The following SCPEP1 variants were observed in gnomAD, a reference collection of about 807,000 sequenced individuals.
SCPEP1 encodes the protein serine carboxypeptidase 1.
A neutral mutation model predicts 63.8 loss-of-function variants in SCPEP1; 51 were observed. The ratio of observed to expected loss-of-function variants is 0.80; its 90% CI spans 0.64 to 1.01. SCPEP1 has a LOEUF of 1.01. Among genes scored for constraint, SCPEP1 ranks in the 50% least tolerant of loss-of-function variants. The probability of loss-of-function intolerance (pLI) is 0.00; values close to 1 mark genes in which losing one functional copy is unlikely to be tolerated. For missense variants in SCPEP1, 499 were observed against 554.9 expected (o/e 0.90, Z 1.01); for synonymous variants, 204 against 207.8 (o/e 0.98, Z 0.16).
At chr17:56,990,375 T>C (rs977933951) in intron 5 of SCPEP1, among the ~76,000 whole-genome samples, 3 of 152,186 alleles carry the variant, frequency 2.0e-5, no homozygotes, top group Non-Finnish European at 4.4e-5. Context: ...AAAAAACTTA[T>C]AGAAACAGCA....
rs758488521 is a variant in SCPEP1 at position 57,006,262 on chromosome 17, T to A, written c.*27T>A. Reference sequence around the variant, plus strand: ...ATGGATGGGGCTGGAGATGAGCTGGTTTGGCCTTGGGGCACAGAGCTGAGC... The same window carrying A: ...ATGGATGGGGCTGGAGATGAGCTGGATTGGCCTTGGGGCACAGAGCTGAGC... On this transcript the variant is annotated 3_prime_UTR_variant, in exon 13 of 13. Coordinates refer to ENST00000262288, the MANE Select transcript of SCPEP1 (RefSeq NM_021626.3). 8 of 1,600,514 alleles carry A rather than the reference T, an allele frequency of 5.0e-6. No individual in the cohort carries two copies. Among genetic ancestry groups the A allele is most frequent in the Non-Finnish European group, 6.8e-6 (8 of 1,172,318 alleles).
At chr17:57,003,219 T>G (rs1470666857) in intron 12 of SCPEP1, among the ~76,000 whole-genome samples, 1 of 152,142 alleles carries the variant, frequency 6.6e-6, no homozygotes, top group East Asian at 1.9e-4. Context: ...GGACTTGGAA[T>G]GGACACTGGA....
intron 3 of SCPEP1, among the ~76,000 whole-genome samples, chr17:56,986,583 T>TC (rs1911227226): frequency 6.6e-6 from 1 of 151,486 alleles, no homozygotes; most frequent in African/African-American, 2.4e-5. Context: ...TCTCGCTCTT[T>TC]CGCCCAGGCC....
At position 57,006,438 on chromosome 17, in the gene SCPEP1, A is replaced by G. The variant is rs766439904; in HGVS notation, c.*203A>G. ...TTTCTGCTTCTTAAAAAAACCTAAG[A>G]TTTTTTAAAAAATTGATTTGTTTTG... On this transcript the variant is annotated 3_prime_UTR_variant, in exon 13 of 13. Transcript: ENST00000262288. 1 of 383,016 alleles carries G rather than the reference A, an allele frequency of 2.6e-6. No homozygotes were observed. The highest frequency in any genetic ancestry group is 4.7e-6 in the Non-Finnish European group (1 of 214,314). 23.7% of individuals were successfully genotyped at this position (383,016 alleles called of 1,614,324 possible). A position where few individuals can be genotyped will look rare whatever the true frequency, so the allele number is the denominator to read the frequency against.
At chr17:57,005,793 T>G (rs1291785042) in intron 12 of SCPEP1, among the ~76,000 whole-genome samples, 1 of 152,222 alleles carries the variant, frequency 6.6e-6, no homozygotes, top group Non-Finnish European at 1.5e-5. Context: ...CTATTCTCAA[T>G]CCGGGATCCC....
intron 6 of SCPEP1, 105 bp from the exon 7 acceptor site, chr17:56,994,876 T>G: frequency 2.0e-6 from 2 of 1,024,794 alleles, no homozygotes; most frequent in Non-Finnish European, 3.0e-6. Flanking sequence ...AGCCACCGGG[T>G]TTCTTGCTTC....
chr17:57,002,329 C>T (rs1459285366), intron 12 of SCPEP1, 148 bp downstream of exon 12: 1 of 734,102 alleles, frequency 1.4e-6, no homozygotes, highest in East Asian at 2.7e-5. Context: ...CCTGTAATCT[C>T]AGCACTTTGG....
chr17:56,982,361 CA>C (rs1911092677), intron 2 of SCPEP1, among the ~76,000 whole-genome samples: 1 of 152,200 alleles, frequency 6.6e-6, no homozygotes. Context: ...ATGGTCGATG[CA>C]GACTTTCTGG....
chr17:56,995,322 T>G (rs1887675550), intron 7 of SCPEP1, 185 bp from the exon 8 acceptor site: 1 of 625,010 alleles, frequency 1.6e-6, no homozygotes, highest in Non-Finnish European at 2.7e-6. Flanking sequence ...GAATACCTAC[T>G]TAGGTTCAGT....
chr17:56,996,768 C>T (rs1174353921), intron 8 of SCPEP1, among the ~76,000 whole-genome samples, 194 bp from the exon 9 acceptor site: 1 of 152,176 alleles, frequency 6.6e-6, no homozygotes, highest in Admixed American at 6.5e-5. Context: ...ATCCACCCAC[C>T]TCAGCCTCCC....
Position 56,988,216 on chromosome 17 carries a change from A to G in SCPEP1, c.472A>G (p.Thr158Ala). The change falls in exon 5 of 13, where the codon ACA becomes GCA. Residue 158 changes from threonine (T) to alanine (A), a missense_variant and splice_region_variant. Transcript: ENST00000262288. ...TCTGTGTAATTCCTTTTCTTGCTAG[A>G]CAGTTCCATTCTACATTTTCTCAGA... ...TFFSCHKEFQTVPFYIFSESY... is the reference protein window; with the variant it reads ...TFFSCHKEFQAVPFYIFSESY... 5 of 1,607,328 alleles carry G rather than the reference A, an allele frequency of 3.1e-6. No homozygotes were observed. Among genetic ancestry groups the G allele is most frequent in the Non-Finnish European group, 4.3e-6 (5 of 1,175,004 alleles).
At chr17:56,996,008 T>G (rs528982998) in intron 8 of SCPEP1, 1 of 154,824 alleles carries the variant, frequency 6.5e-6, no homozygotes, top group East Asian at 1.9e-4. Flanking sequence ...GGCTAAGGAC[T>G]TGGGAGTGTA....
rs767400615 is a variant in SCPEP1 at position 56,991,109 on chromosome 17, G to A, written c.557G>A (p.Arg186Gln). 5.4e-5 allele frequency: 87 copies of A among 1,613,630 alleles called. No individual in the cohort carries two copies. The South Asian group carries it at 5.5e-4, about 10-fold the overall frequency. Residue 186 changes from arginine to glutamine, a missense_variant, in exon 6 of 13, where the codon CGA becomes CAA. Transcript: ENST00000262288. ...IGLELYKAIQRGTIKCNFAGV... is the reference protein window; with the variant it reads ...IGLELYKAIQQGTIKCNFAGV... Reference sequence around the variant, plus strand: ...TGTTTCCTCTTTCAGGCCATTCAGCGAGGGACCATCAAGTGCAACTTTGCG... The same window carrying A: ...TGTTTCCTCTTTCAGGCCATTCAGCAAGGGACCATCAAGTGCAACTTTGCG...
intron 12 of SCPEP1, among the ~76,000 whole-genome samples, chr17:57,005,218 T>G (rs1911847973): frequency 6.6e-6 from 1 of 152,126 alleles, no homozygotes; most frequent in South Asian, 2.1e-4. Flanking sequence ...TGTGGAGCAT[T>G]TTGGATTTTC....
intron 8 of SCPEP1, chr17:56,995,858 T>A: frequency 3.6e-6 from 1 of 281,510 alleles, no homozygotes; most frequent in Non-Finnish European, 6.4e-6. Flanking sequence ...TGTCCTTCAC[T>A]AAATGTATGG....
At position 56,978,240 on chromosome 17, in the gene SCPEP1, G is replaced by A. The variant is rs765656267; in HGVS notation, c.76+5G>A. 2.5e-5 allele frequency: 39 copies of A among 1,537,266 alleles called. No individual in the cohort carries two copies. Among genetic ancestry groups the A allele is most frequent in the Non-Finnish European group, 3.1e-5 (35 of 1,146,038 alleles). On this transcript the variant is annotated splice_donor_5th_base_variant and intron_variant, in intron 1 of 12. Coordinates refer to ENST00000262288, the MANE Select transcript of SCPEP1 (RefSeq NM_021626.3). ...TGCTGCTGGGCCTGAACGCAGGTAG[G>A]TTCAAGCAAGAGGCGCACCAGCTGC...
At chr17:56,982,116 C>T (rs2144466742) in intron 2 of SCPEP1, among the ~76,000 whole-genome samples, 1 of 152,310 alleles carries the variant, frequency 6.6e-6, no homozygotes, top group South Asian at 2.1e-4. Context: ...TCTGGCATTT[C>T]TGAAATATCT....
intron 1 of SCPEP1, among the ~76,000 whole-genome samples, chr17:56,979,611 T>G (rs1039045481): frequency 1.3e-5 from 2 of 151,828 alleles, no homozygotes; most frequent in Non-Finnish European, 2.9e-5. Flanking sequence ...GCTAGAAAAG[T>G]TAAGTAAGGA....
intron 12 of SCPEP1, among the ~76,000 whole-genome samples, chr17:57,002,924 G>A (rs1166852807): frequency 1.3e-5 from 2 of 151,958 alleles, no homozygotes; most frequent in Non-Finnish European, 2.9e-5. Flanking sequence ...TAGGGCTTGG[G>A]AGTGTTTTGA....
Sources: allele counts gnomAD v4.1 joint callset (sites outside exome capture counted in the v4.1 genomes callset), GRCh38; gene constraint gnomAD v4.1.1; transcripts MANE v1.5; gene names NCBI Gene and HGNC (gene_info 2026-07-23, HGNC 2026-07-21).